The following SORCS2 variants were observed in gnomAD, a reference collection of about 807,000 sequenced individuals.
SORCS2 encodes VPS10 domain-containing receptor SorCS2.
Under a neutral mutation model 141.6 loss-of-function variants are expected in SORCS2, and 100 were observed. The observed-to-expected ratio is 0.71, with a 90% CI of 0.60 to 0.83. The LOEUF (loss-of-function observed/expected upper bound fraction) is 0.83. Ranked by LOEUF, SORCS2 falls within the 40% of genes least tolerant of loss-of-function variation. The probability of loss-of-function intolerance (pLI) is 0.00; values close to 1 mark genes in which losing one functional copy is unlikely to be tolerated. For missense variants in SORCS2, 1,646 were observed against 1,560.2 expected, an observed-to-expected ratio of 1.05 and a Z score of -0.93; for synonymous variants, 789 against 676.9, an observed-to-expected ratio of 1.17 and a Z score of -2.57.
chr4:7,232,452 A>G (rs993536939), intron 1 of SORCS2, among the ~76,000 whole-genome samples: 5 of 152,300 alleles, frequency 3.3e-5, no homozygotes, highest in South Asian at 4.1e-4. Flanking sequence ...TGCCAGCCTC[A>G]TTATGTCACC....
At chr4:7,656,767 G>C (rs1721804230) in intron 5 of SORCS2, among the ~76,000 whole-genome samples, 2 of 152,158 alleles carry the variant, frequency 1.3e-5, no homozygotes, top group South Asian at 4.1e-4. Context: ...GCAGGGCATG[G>C]GGGTGGCAGG....
intron 1 of SORCS2, among the ~76,000 whole-genome samples, chr4:7,388,606 C>G (rs1409424770): frequency 1.3e-5 from 2 of 152,236 alleles, no homozygotes; most frequent in East Asian, 1.9e-4. Flanking sequence ...TTCCTTCCAG[C>G]ATTTCACCAT....
chr4:7,259,677 G>T (rs552813083), intron 1 of SORCS2, among the ~76,000 whole-genome samples: 3 of 152,366 alleles, frequency 2.0e-5, no homozygotes, highest in South Asian at 4.1e-4. Context: ...TGTGCCCGAG[G>T]AGGAGGTGGT....
intron 4 of SORCS2, among the ~76,000 whole-genome samples, chr4:7,639,786 GGTAT>G (rs368033054): frequency 1.7e-4 from 25 of 149,220 alleles, no homozygotes; most frequent in African/African-American, 5.2e-4. Context: ...TGTGTGTGTG[GGTAT>G]GTATGGGTGA....
intron 1 of SORCS2, among the ~76,000 whole-genome samples, chr4:7,296,556 G>A (rs1450888498): frequency 2.0e-5 from 3 of 152,182 alleles, no homozygotes; most frequent in African/African-American, 7.2e-5. Context: ...CCCTGGTTGA[G>A]GCCACTCGCT....
chr4:7,483,820 C>T (rs934912799), intron 2 of SORCS2, among the ~76,000 whole-genome samples: 8 of 152,190 alleles, frequency 5.3e-5, no homozygotes, highest in East Asian at 1.9e-4. Flanking sequence ...TCCTAGATGA[C>T]GGGTTGATGG....
At chr4:7,695,928 G>GA (rs1560490997) in intron 11 of SORCS2, among the ~76,000 whole-genome samples, 21 of 65,312 alleles carry the variant, frequency 3.2e-4, no homozygotes, top group African/African-American at 1.0e-3. Flanking sequence ...GGATGGATTG[G>GA]TGGGTGGGTG....
At chr4:7,542,141 C>T (rs968019438) in intron 3 of SORCS2, among the ~76,000 whole-genome samples, 4 of 152,354 alleles carry the variant, frequency 2.6e-5, no homozygotes, top group African/African-American at 9.6e-5. Context: ...GCCCCTCCTC[C>T]TCACCCCTCA....
chr4:7,713,323 T>C (rs1725954547), intron 15 of SORCS2, among the ~76,000 whole-genome samples: 1 of 151,978 alleles, frequency 6.6e-6, no homozygotes, highest in Non-Finnish European at 1.5e-5. Context: ...GGCCCATCTG[T>C]AGTTCCAATC....
intron 2 of SORCS2, among the ~76,000 whole-genome samples, chr4:7,472,526 C>T (rs28479426): frequency 0.14 from 21,374 of 151,662 alleles, 2,062 homozygotes; most frequent in East Asian, 0.29. Context: ...GTGGCTTTGA[C>T]GCCTGAATGC....
At chr4:7,463,147 A>G (rs1330470058) in intron 2 of SORCS2, among the ~76,000 whole-genome samples, 2 of 152,162 alleles carry the variant, frequency 1.3e-5, no homozygotes, top group Non-Finnish European at 2.9e-5. Context: ...GCAGTGGGCC[A>G]GGGAGCCTGG....
intron 1 of SORCS2, among the ~76,000 whole-genome samples, chr4:7,358,521 C>A (rs151146072): frequency 6.6e-6 from 1 of 152,340 alleles, no homozygotes; most frequent in African/African-American, 2.4e-5. Flanking sequence ...GCTCCTGTAG[C>A]TGGATGCATT....
intron 1 of SORCS2, among the ~76,000 whole-genome samples, chr4:7,384,735 T>C (rs548815269): frequency 3.6e-4 from 55 of 152,296 alleles, no homozygotes; most frequent in African/African-American, 1.1e-3. Context: ...CTGGACACAC[T>C]GCACGGCCAA....
intron 3 of SORCS2, among the ~76,000 whole-genome samples, chr4:7,621,027 G>C (rs973867421): frequency 6.6e-6 from 1 of 152,116 alleles, no homozygotes; most frequent in Admixed American, 6.5e-5. Context: ...GGGGGTTGCC[G>C]GCCATGAGGT....
At chr4:7,710,861 C>T (rs921738089) in intron 14 of SORCS2, among the ~76,000 whole-genome samples, 4 of 152,234 alleles carry the variant, frequency 2.6e-5, no homozygotes, top group Admixed American at 6.5e-5. Flanking sequence ...GCTCCCAGGC[C>T]GAGGGCTCAA....
chr4:7,368,815 G>C (rs1015855269), intron 1 of SORCS2, among the ~76,000 whole-genome samples: 4 of 152,184 alleles, frequency 2.6e-5, no homozygotes, highest in Non-Finnish European at 5.9e-5. Context: ...GGTGTCCTGG[G>C]AGAAACCCGG....
chr4:7,350,426 G>A (rs142235374), intron 1 of SORCS2, among the ~76,000 whole-genome samples: 3,200 of 152,374 alleles, frequency 0.021, 51 homozygotes, highest in Middle Eastern at 0.044. Flanking sequence ...GCTGGATCTA[G>A]GGAGGGCCTC....
At chr4:7,501,711 CG>C (rs1362833083) in intron 2 of SORCS2, among the ~76,000 whole-genome samples, 1 of 152,216 alleles carries the variant, frequency 6.6e-6, no homozygotes, top group Non-Finnish European at 1.5e-5. Flanking sequence ...CTGAAGGAAT[CG>C]GCAGGTGTAT....
chr4:7,689,855 T>C (rs997443358), intron 11 of SORCS2, among the ~76,000 whole-genome samples: 2 of 146,650 alleles, frequency 1.4e-5, no homozygotes, highest in African/African-American at 5.1e-5. Flanking sequence ...GACAGACAAA[T>C]TGATAGATGA....
Sources: gnomAD v4.1 joint callset for allele counts (sites outside exome capture counted in the v4.1 genomes callset) on GRCh38, gnomAD v4.1.1 for gene constraint, MANE v1.5 for transcripts, NCBI Gene and HGNC (gene_info 2026-07-23, HGNC 2026-07-21) for gene names.